NTM: variants seen among roughly 807,000 people sequenced by gnomAD.
NTM encodes neurotrimin, also known as IgLON family member 2.
Under a neutral mutation model 42.1 loss-of-function variants are expected in NTM, and 13 were observed. That is an observed-to-expected ratio of 0.31 (90% CI 0.20 to 0.49). The LOEUF (loss-of-function observed/expected upper bound fraction) is 0.49. NTM is among the 20% of genes least tolerant of loss of function. NTM has a pLI of 0.99. For missense variants in NTM, 373 were observed against 452.8 expected, an observed-to-expected ratio of 0.82 and a Z score of 1.60; for synonymous variants, 187 against 179.2, an observed-to-expected ratio of 1.04 and a Z score of -0.35.
chr11:131,726,717 G>C (rs902372282), intron 1 of NTM, among the ~76,000 whole-genome samples: 2 of 150,936 alleles, frequency 1.3e-5, no homozygotes, highest in South Asian at 4.1e-4. Flanking sequence ...GCTCTTTTTT[G>C]TTTGTTTTGT....
intron 1 of NTM, among the ~76,000 whole-genome samples, chr11:131,752,735 T>C (rs902214890): frequency 6.6e-6 from 1 of 152,054 alleles, no homozygotes; most frequent in Non-Finnish European, 1.5e-5. Context: ...TATACAAAAA[T>C]TAATTCAAGA....
intron 1 of NTM, chr11:131,671,649 C>G: frequency 1.0e-6 from 1 of 969,886 alleles, no homozygotes; most frequent in Non-Finnish European, 1.2e-6. Flanking sequence ...GTGAGAACCA[C>G]CAAGACTCAG....
rs1212590972 is a variant in NTM at position 131,598,762 on chromosome 11, CTTTTT to C, written c.82+227877_82+227881del. ...TTCTTTCTTTCTTTCTTTCTTCTTT[CTTTTT>C]TTCTTTCTTTCTTTCTTCTTTCTTT... On this transcript the variant is annotated intron_variant, in intron 1 of 8. Coordinates refer to ENST00000683400, the MANE Select transcript of NTM (RefSeq NM_001352005.2). Among the ~76,000 whole-genome samples, 126 of 36,758 alleles carry C rather than the reference CTTTTT, an allele frequency of 3.4e-3. 4 individuals are homozygous for C. The highest frequency in any genetic ancestry group is 8.6e-3 in the African/African-American group (99 of 11,464). The allele number at this position is 36,758 out of a possible 152,430, so 24.1% of individuals were successfully genotyped here.
chr11:131,582,708 G>T (rs1341527681), intron 1 of NTM, among the ~76,000 whole-genome samples: 3 of 152,110 alleles, frequency 2.0e-5, no homozygotes, highest in East Asian at 1.9e-4. Flanking sequence ...ACTTAACAAA[G>T]TTAATGCTCA....
At chr11:132,178,610 A>G (rs2077143537) in intron 3 of NTM, among the ~76,000 whole-genome samples, 1 of 152,226 alleles carries the variant, frequency 6.6e-6, no homozygotes, top group Admixed American at 6.5e-5. Context: ...TAAAGTAATC[A>G]TATATAAAAT....
At chr11:132,315,528 A>G (rs891810744) in intron 7 of NTM, among the ~76,000 whole-genome samples, 3 of 152,112 alleles carry the variant, frequency 2.0e-5, no homozygotes, top group South Asian at 4.1e-4. Flanking sequence ...GATTTTTCAA[A>G]CCTGTCTCCC....
intron 1 of NTM, among the ~76,000 whole-genome samples, chr11:131,830,678 T>C (rs1002342644): frequency 6.6e-6 from 1 of 152,242 alleles, no homozygotes; most frequent in Non-Finnish European, 1.5e-5. Flanking sequence ...ATGTGAATTT[T>C]AGAATAGTTT....
intron 1 of NTM, among the ~76,000 whole-genome samples, chr11:131,725,933 G>C: frequency 6.6e-6 from 1 of 152,120 alleles, no homozygotes; most frequent in East Asian, 1.9e-4. Context: ...GTAAGGCCTG[G>C]GAATGTGCGT....
At chr11:132,224,176 T>C (rs2085717677) in intron 4 of NTM, among the ~76,000 whole-genome samples, 1 of 152,100 alleles carries the variant, frequency 6.6e-6, no homozygotes, top group Non-Finnish European at 1.5e-5. Flanking sequence ...AGACCCAACC[T>C]CTGCATGCCA....
chr11:131,755,321 A>G (rs941298804), intron 1 of NTM, among the ~76,000 whole-genome samples: 6 of 152,156 alleles, frequency 3.9e-5, no homozygotes, highest in Non-Finnish European at 8.8e-5. Flanking sequence ...AGGAATCCCA[A>G]TGACCCTGGG....
chr11:132,116,671 G>A (rs1321193248), intron 2 of NTM, among the ~76,000 whole-genome samples: 1 of 152,196 alleles, frequency 6.6e-6, no homozygotes, highest in Non-Finnish European at 1.5e-5. Context: ...TGGAAGGAAG[G>A]CATGCATAGG....
intron 2 of NTM, among the ~76,000 whole-genome samples, chr11:131,943,683 A>G (rs1269387317): frequency 1.3e-5 from 2 of 152,226 alleles, no homozygotes; most frequent in Non-Finnish European, 2.9e-5. Context: ...AAGCATGGAT[A>G]AAGAATTTTA....
intron 2 of NTM, among the ~76,000 whole-genome samples, chr11:132,127,589 T>C (rs1054630113): frequency 6.6e-5 from 10 of 152,206 alleles, no homozygotes; most frequent in South Asian, 4.1e-4. Flanking sequence ...GTCAACAGTA[T>C]CTATCTTTTC....
At chr11:132,210,323 G>T (rs2082638403) in intron 3 of NTM, among the ~76,000 whole-genome samples, 2 of 152,232 alleles carry the variant, frequency 1.3e-5, no homozygotes, top group African/African-American at 4.8e-5. Flanking sequence ...AGGGTTGAAA[G>T]AATATCTGCC....
intron 1 of NTM, among the ~76,000 whole-genome samples, chr11:131,544,788 C>A (rs1317955142): frequency 6.6e-6 from 1 of 152,202 alleles, no homozygotes; most frequent in East Asian, 1.9e-4. Context: ...CTGACAGAGC[C>A]TCCTGGGGGC....
chr11:131,590,585 C>T lies in NTM; in HGVS notation c.82+219697C>T, dbSNP rs147799559. Among the ~76,000 whole-genome samples the T allele has an allele frequency of 1.6e-4, 24 of 152,266 alleles. No homozygotes were observed. The East Asian group carries it at 4.6e-3, about 29-fold the overall frequency. On this transcript the variant is annotated intron_variant, in intron 1 of 8. Coordinates refer to ENST00000683400, the MANE Select transcript of NTM (RefSeq NM_001352005.2). ...GACAATTGGATGGCTTCTTAATGTC[C>T]CAATATCAGGCCACTGGCAGCATTT...
At chr11:131,836,174 C>G (rs536125396) in intron 1 of NTM, among the ~76,000 whole-genome samples, 1 of 152,166 alleles carries the variant, frequency 6.6e-6, no homozygotes, top group Admixed American at 6.5e-5. Flanking sequence ...TTATGATGTG[C>G]TCATTTTTTC....
chr11:132,038,456 T>A (rs542862881), intron 2 of NTM, among the ~76,000 whole-genome samples: 1 of 152,326 alleles, frequency 6.6e-6, no homozygotes, highest in African/African-American at 2.4e-5. Flanking sequence ...CTAGCAGGGC[T>A]GTTTGAAATC....
At chr11:131,833,679 C>T (rs751801649) in intron 1 of NTM, among the ~76,000 whole-genome samples, 32 of 152,264 alleles carry the variant, frequency 2.1e-4, no homozygotes, top group Non-Finnish European at 3.5e-4. Flanking sequence ...TGGTTCTCTC[C>T]TTAACCCTGC....
Sources: allele counts gnomAD v4.1 joint callset (sites outside exome capture counted in the v4.1 genomes callset), GRCh38; gene constraint gnomAD v4.1.1; transcripts MANE v1.5; gene names NCBI Gene and HGNC (gene_info 2026-07-23, HGNC 2026-07-21).